Variants in MACROD2 observed in about 807,000 individuals in gnomAD.
MACROD2 encodes the protein mono-ADP ribosylhydrolase 2, also known as ADP-ribose glycohydrolase MACROD2.
MACROD2 carries 36 observed loss-of-function variants against 70.4 expected under a neutral mutation model. The observed-to-expected ratio is 0.51, with a 90% CI of 0.39 to 0.68. The LOEUF (loss-of-function observed/expected upper bound fraction) is 0.68. MACROD2 is among the 30% of genes least tolerant of loss of function. The pLI is 0.00. For synonymous variants in MACROD2, 172 were observed against 178.8 expected (o/e 0.96, Z 0.30); for missense variants, 496 against 538.4 (o/e 0.92, Z 0.78).
intron 8 of MACROD2, among the ~76,000 whole-genome samples, chr20:15,753,724 G>A (rs192934662): frequency 6.0e-4 from 91 of 152,246 alleles, no homozygotes; most frequent in South Asian, 3.7e-3. Flanking sequence ...CTAATTTACC[G>A]TTCCACAAGC....
chr20:15,817,744 C>T (rs1360828766), intron 8 of MACROD2, among the ~76,000 whole-genome samples: 1 of 152,150 alleles, frequency 6.6e-6, no homozygotes, highest in African/African-American at 2.4e-5. Context: ...TGCCACCATC[C>T]TCCTCTCCAT....
intron 8 of MACROD2, among the ~76,000 whole-genome samples, chr20:15,515,085 A>C (rs931446550): frequency 3.9e-5 from 6 of 152,164 alleles, no homozygotes; most frequent in African/African-American, 1.4e-4. Context: ...GTCAACTTTT[A>C]TTGTCTTGCC....
intron 4 of MACROD2, among the ~76,000 whole-genome samples, chr20:14,505,319 G>T (rs1166782743): frequency 6.6e-6 from 1 of 152,140 alleles, no homozygotes; most frequent in East Asian, 1.9e-4. Context: ...GATGTGCCAG[G>T]GTAGTATATC....
intron 8 of MACROD2, among the ~76,000 whole-genome samples, chr20:15,536,265 G>C (rs566895980): frequency 1.3e-5 from 2 of 152,266 alleles, no homozygotes; most frequent in South Asian, 2.1e-4. Context: ...TTACTGAAAG[G>C]CCTCCGAATA....
chr20:14,736,193 C>T (rs1842466609), intron 5 of MACROD2, among the ~76,000 whole-genome samples: 1 of 152,020 alleles, frequency 6.6e-6, no homozygotes, highest in African/African-American at 2.4e-5. Context: ...GGAGATGAAC[C>T]TCAGAAACAT....
intron 6 of MACROD2, among the ~76,000 whole-genome samples, chr20:15,328,351 T>C (rs907804505): frequency 1.3e-5 from 2 of 152,102 alleles, no homozygotes; most frequent in African/African-American, 4.8e-5. Flanking sequence ...TGTAAGTCCA[T>C]GCAATGACCT....
chr20:15,376,591 G>A (rs1036217424), intron 6 of MACROD2, among the ~76,000 whole-genome samples: 2 of 152,134 alleles, frequency 1.3e-5, no homozygotes, highest in African/African-American at 4.8e-5. Flanking sequence ...TCCTACCACT[G>A]GGACTGTGAG....
At chr20:14,767,295 A>C (rs1263023022) in intron 5 of MACROD2, among the ~76,000 whole-genome samples, 1 of 152,162 alleles carries the variant, frequency 6.6e-6, no homozygotes, top group Non-Finnish European at 1.5e-5. Context: ...GTTATCCAGA[A>C]TCCGACTTGG....
chr20:14,442,917 A>G (rs1370560012), intron 3 of MACROD2, among the ~76,000 whole-genome samples: 1 of 151,952 alleles, frequency 6.6e-6, no homozygotes, highest in Non-Finnish European at 1.5e-5. Context: ...TCTACTAAAA[A>G]TACAAAAATA....
intron 8 of MACROD2, among the ~76,000 whole-genome samples, chr20:15,512,024 A>G (rs1379345927): frequency 1.3e-5 from 2 of 152,190 alleles, no homozygotes; most frequent in Non-Finnish European, 1.5e-5. Flanking sequence ...AAAAACTCCC[A>G]TTTGTTCTCT....
At chr20:15,684,947 C>T (rs2050207295) in intron 8 of MACROD2, among the ~76,000 whole-genome samples, 1 of 152,110 alleles carries the variant, frequency 6.6e-6, no homozygotes, top group African/African-American at 2.4e-5. Context: ...CTTTGGGACA[C>T]TCATTTATAA....
At chr20:15,310,786 T>C (rs1033599590) in intron 6 of MACROD2, among the ~76,000 whole-genome samples, 1 of 152,110 alleles carries the variant, frequency 6.6e-6, no homozygotes, top group African/African-American at 2.4e-5. Flanking sequence ...TGAGTGACTT[T>C]CCTTTTACAT....
intron 3 of MACROD2, among the ~76,000 whole-genome samples, chr20:14,252,437 G>T (rs1295579764): frequency 6.6e-6 from 1 of 151,898 alleles, no homozygotes; most frequent in Non-Finnish European, 1.5e-5. Flanking sequence ...ACCCCAAAGA[G>T]GAGTCTCTGT....
At chr20:14,999,085 A>C (rs2074973250) in intron 5 of MACROD2, among the ~76,000 whole-genome samples, 1 of 152,210 alleles carries the variant, frequency 6.6e-6, no homozygotes, top group African/African-American at 2.4e-5. Context: ...TCCCAAACAA[A>C]CAAAAGCTGA....
chr20:14,857,039 G>A (rs1009906245), intron 5 of MACROD2, among the ~76,000 whole-genome samples: 2 of 152,008 alleles, frequency 1.3e-5, no homozygotes, highest in Admixed American at 6.6e-5. Flanking sequence ...CATAAACAAA[G>A]CATAGCTAGG....
chr20:14,349,492 T>C (rs895787383), intron 3 of MACROD2, among the ~76,000 whole-genome samples: 23 of 149,146 alleles, frequency 1.5e-4, no homozygotes, highest in Admixed American at 4.0e-4. Context: ...CTTTTATATA[T>C]ATAATAGTAC....
chr20:15,660,633 A>G (rs1356558233), intron 8 of MACROD2, among the ~76,000 whole-genome samples: 1 of 152,114 alleles, frequency 6.6e-6, no homozygotes, highest in Non-Finnish European at 1.5e-5. Flanking sequence ...ATACTGATTG[A>G]GCCTCTTTAT....
intron 3 of MACROD2, among the ~76,000 whole-genome samples, chr20:14,282,600 G>C (rs1457364965): frequency 6.6e-6 from 1 of 152,120 alleles, no homozygotes; most frequent in Non-Finnish European, 1.5e-5. Context: ...ACCGGAGACT[G>C]GGTAATTTAA....
intron 6 of MACROD2, among the ~76,000 whole-genome samples, chr20:15,313,086 G>A (rs924807742): frequency 6.6e-6 from 1 of 152,014 alleles, no homozygotes; most frequent in Non-Finnish European, 1.5e-5. Flanking sequence ...TCTCAGTTAA[G>A]ATCAGAAAAA....
Sources: gnomAD v4.1 joint callset for allele counts (sites outside exome capture counted in the v4.1 genomes callset) on GRCh38, gnomAD v4.1.1 for gene constraint, MANE v1.5 for transcripts, NCBI Gene and HGNC (gene_info 2026-07-23, HGNC 2026-07-21) for gene names.